Variants in KCNC4 observed in about 807,000 individuals in gnomAD.
The protein encoded by KCNC4 is voltage-gated potassium channel KCNC4.
Under a neutral mutation model 42.8 loss-of-function variants are expected in KCNC4, and 23 were observed. The ratio of observed to expected loss-of-function variants is 0.54; its 90% CI spans 0.39 to 0.76. The LOEUF is 0.76. Among genes scored for constraint, KCNC4 ranks in the 30% least tolerant of loss-of-function variants. The pLI is 0.00. For synonymous variants in KCNC4, 422 were observed against 393.5 expected (o/e 1.07, Z -0.86); for missense variants, 751 against 898.2 (o/e 0.84, Z 2.10).
At chr1:110,243,911 G>T (rs1233219516) in exon 4 of KCNC4, 2 of 152,288 alleles carry the variant, frequency 1.3e-5, no homozygotes, top group Non-Finnish European at 2.9e-5. Flanking sequence ...TCTGGAGGCA[G>T]GTCAGAACAA....
chr1:110,262,458 C>T (rs1168349958), intron 1 of KCNC4, among the ~76,000 whole-genome samples: 2 of 152,184 alleles, frequency 1.3e-5, no homozygotes, highest in Admixed American at 6.5e-5. Flanking sequence ...CCTAACTTCC[C>T]CAACCCTACC....
At chr1:110,228,583 A>C (rs1375552773) in intron 3 of KCNC4, 1 of 152,680 alleles carries the variant, frequency 6.5e-6, no homozygotes, top group African/African-American at 2.4e-5. Context: ...AGCTGGAACC[A>C]GCCTGGGGCT....
chr1:110,272,360 A>C (rs367805917), intron 1 of KCNC4: 1 of 152,266 alleles, frequency 6.6e-6, no homozygotes, highest in South Asian at 2.1e-4. Flanking sequence ...GGCTGAAGTC[A>C]TTAAGAGGCA....
chr1:110,227,219 G>T (rs1658444132), intron 3 of KCNC4, among the ~76,000 whole-genome samples: 1 of 152,196 alleles, frequency 6.6e-6, no homozygotes, highest in Non-Finnish European at 1.5e-5. Flanking sequence ...GTGAGGAAGG[G>T]GCAGTGGCAG....
intron 1 of KCNC4, among the ~76,000 whole-genome samples, chr1:110,263,346 GT>G (rs10716289): frequency 0.59 from 88,422 of 149,940 alleles, 26,304 homozygotes; most frequent in African/African-American, 0.68. Flanking sequence ...GAATTTAAGG[GT>G]TTTTTTTTTT....
In KCNC4 at chr1:110,212,130, C is replaced by A; in HGVS notation, c.631C>A (p.Arg211Ser). Residue 211 changes from arginine to serine, a missense_variant, in exon 1 of 4, where the codon CGC becomes AGC. Arg to Ser is a moderately radical substitution (Grantham distance 110). Around this residue, in one of 4 missense-constraint regions of KCNC4, gnomAD observed 181 missense variants for 167.3 expected, o/e 1.08. Transcript: ENST00000438661. ...GSGGCRGWQP[R>S]MWALFEDPYS... ...TGGGGGCTGCCGCGGCTGGCAGCCCCGCATGTGGGCGCTCTTCGAGGATCC... is the reference window on the plus strand; with the variant it reads ...TGGGGGCTGCCGCGGCTGGCAGCCCAGCATGTGGGCGCTCTTCGAGGATCC... The A allele has an allele frequency of 6.6e-7, 1 of 1,504,510 alleles. No individual in the cohort carries two copies. Among genetic ancestry groups the A allele is most frequent in the Non-Finnish European group, 8.7e-7 (1 of 1,143,574 alleles). 93.2% of individuals were successfully genotyped at this position (1,504,510 alleles called of 1,614,324 possible).
rs1454338398 is a variant in KCNC4, at chr1:110,223,251, C to T, written c.966C>T (p.Ile322=). ...NLLNIIDFVA[I]LPFYLEVGLS... The stretch of plus-strand genomic sequence containing the variant: ...TCAACATCATCGACTTTGTGGCCAT[C>T]CTGCCCTTCTACCTGGAGGTGGGGC... The change falls in exon 2 of 4, where the codon ATC becomes ATT. Residue 322 remains isoleucine (I), a synonymous_variant. Coordinates refer to ENST00000438661, the MANE Select transcript of KCNC4 (RefSeq NM_001039574.3). The surrounding 1 kb of genome is among the most constrained non-coding windows in gnomAD (Gnocchi z 7.5). 1 of 1,614,244 alleles carries T rather than the reference C, an allele frequency of 6.2e-7. No homozygotes were observed. Among genetic ancestry groups the T allele is most frequent in the South Asian group, 1.1e-5 (1 of 91,086 alleles).
At position 110,226,061 on chromosome 1, in the gene KCNC4, C is replaced by T. The variant is rs1295983020; in HGVS notation, c.1702C>T (p.Pro568Ser). 3 of 1,613,836 alleles carry T rather than the reference C, an allele frequency of 1.9e-6. No homozygotes were observed. The highest frequency in any genetic ancestry group is 1.7e-5 in the Admixed American group (1 of 59,996). The change falls in exon 3 of 4, where the codon CCC becomes TCC. Residue 568 changes from proline (P) to serine (S), a missense_variant. This residue lies in a region of KCNC4 where 202 missense variants were observed against 181.5 expected (regional missense o/e 1.11). Coordinates refer to ENST00000438661, the MANE Select transcript of KCNC4 (RefSeq NM_001039574.3). The stretch of plus-strand genomic sequence containing the variant: ...CCAACCCCTGGCCTCCTCCCCGACC[C>T]CCGAGGAGCGCCGGGCCCTGCGACG... ...LTQPLASSPT[P>S]EERRALRRST...
exon 4 of KCNC4, chr1:110,243,987 AATC>A (rs2101058569): frequency 6.6e-6 from 1 of 152,216 alleles, no homozygotes; most frequent in Non-Finnish European, 1.5e-5. Flanking sequence ...TTCTTTACGT[AATC>A]ATTATTTTTC....
chr1:110,222,744 A>G (rs541490009), intron 1 of KCNC4: 21 of 553,902 alleles, frequency 3.8e-5, no homozygotes, highest in South Asian at 2.8e-4. Context: ...AGCAGCTTCT[A>G]TCTTTTGTGA....
intron 1 of KCNC4, among the ~76,000 whole-genome samples, chr1:110,215,207 T>C (rs1188794241): frequency 6.6e-6 from 1 of 152,258 alleles, no homozygotes; most frequent in Non-Finnish European, 1.5e-5. Flanking sequence ...GCTACAGGCC[T>C]GGCCCAAGGA....
chr1:110,231,498 C>T (rs951317021), intron 3 of KCNC4, among the ~76,000 whole-genome samples: 1 of 152,194 alleles, frequency 6.6e-6, no homozygotes, highest in Admixed American at 6.5e-5. Context: ...GGACACTTGA[C>T]AGCCTTGCTG....
exon 4 of KCNC4, chr1:110,247,001 T>C (rs1383548622): frequency 6.6e-6 from 1 of 152,170 alleles, no homozygotes; most frequent in East Asian, 1.9e-4. Context: ...CTCCTACTTA[T>C]GAGTGAGAAC....
rs372407799 is a variant in KCNC4 at position 110,223,802 on chromosome 1, T to G, written c.1517T>G (p.Met506Arg). 9.9e-6 allele frequency: 16 copies of G among 1,613,988 alleles called. No homozygotes were observed. The highest frequency in any genetic ancestry group is 1.3e-5 in the Non-Finnish European group (15 of 1,179,964). ...VPRPAQLESP[M>R]YCKSEETSPR... ...CGGCCGGCGCAGCTGGAGTCACCCATGTACTGCAAGTCTGAGGAGACTTCC... is the reference window on the plus strand; with the variant it reads ...CGGCCGGCGCAGCTGGAGTCACCCAGGTACTGCAAGTCTGAGGAGACTTCC... Residue 506 changes from methionine (M) to arginine (R), a missense_variant, in exon 2 of 4, where the codon ATG becomes AGG. Coordinates refer to ENST00000438661, the MANE Select transcript of KCNC4 (RefSeq NM_001039574.3). The surrounding 1 kb of genome is among the most constrained non-coding windows in gnomAD (Gnocchi z 7.5).
chr1:110,231,005 C>T (rs1196565218), intron 3 of KCNC4, among the ~76,000 whole-genome samples: 2 of 152,262 alleles, frequency 1.3e-5, no homozygotes, highest in Non-Finnish European at 2.9e-5. Flanking sequence ...TGGACCTGCA[C>T]CCACTACTTT....
rs373322407 is a variant in KCNC4, at chr1:110,223,897, G to A, written c.1612G>A (p.Ala538Thr). ...AGAGGGTATGATCGAGAGGAAACGG[G>A]CAGGTGAGATTAGGGGTTGGGAAGG... is the stretch of plus-strand genomic sequence containing the variant. ...REEGMIERKR[A>T]DSKQNGDANA... Residue 538 changes from alanine (A) to threonine (T), a missense_variant, in exon 2 of 4, where the codon GCA becomes ACA. Ala to Thr is a moderately conservative substitution (Grantham distance 58). Coordinates refer to ENST00000438661, the MANE Select transcript of KCNC4 (RefSeq NM_001039574.3). The surrounding 1 kb of genome is among the most constrained non-coding windows in gnomAD (Gnocchi z 7.5). The A allele has an allele frequency of 2.0e-5, 32 of 1,587,650 alleles. No individual in the cohort carries two copies. In the East Asian group the frequency reaches 4.9e-4, roughly 24 times the overall value.
chr1:110,234,513 A>G (rs931969676), downstream of KCNC4: 5 of 152,226 alleles, frequency 3.3e-5, no homozygotes, highest in African/African-American at 9.7e-5. Context: ...AGGGATGGAG[A>G]GTGAACACAT....
At chr1:110,261,339 C>G (rs1358681002) in intron 1 of KCNC4, among the ~76,000 whole-genome samples, 1 of 152,108 alleles carries the variant, frequency 6.6e-6, no homozygotes. Context: ...CTTTTGTCAG[C>G]AGGCATTATT....
chr1:110,232,640 G>C, intron 3 of KCNC4: 1 of 1,443,230 alleles, frequency 6.9e-7, no homozygotes, highest in Admixed American at 2.7e-5. Flanking sequence ...ACCAGAGTTG[G>C]GTTGGCAGAG....
Sources: gnomAD v4.1 joint callset for allele counts (sites outside exome capture counted in the v4.1 genomes callset) on GRCh38, gnomAD v4.1.1 for gene constraint, gnomAD v4.1.1 regional missense constraint, Gnocchi (gnomAD v3.1) non-coding constraint, MANE v1.5 for transcripts, NCBI Gene and HGNC (gene_info 2026-07-23, HGNC 2026-07-21) for gene names.